Variants in CCDC171 observed in about 807,000 individuals in gnomAD.
CCDC171 encodes the protein coiled-coil domain-containing protein 171.
In CCDC171, 177 loss-of-function variants were observed where a neutral mutation model predicts 168.2. The ratio of observed to expected loss-of-function variants is 1.05; its 90% CI spans 0.93 to 1.19. The LOEUF (loss-of-function observed/expected upper bound fraction) is 1.19. Among genes scored for constraint, CCDC171 ranks in the 50% most tolerant of loss-of-function variants. The pLI is 0.00. For missense variants in CCDC171, 1,991 were observed against 1,539.0 expected (o/e 1.29, Z -4.91); for synonymous variants, 687 against 540.8 (o/e 1.27, Z -3.75).
intron 3 of CCDC171, among the ~76,000 whole-genome samples, chr9:15,572,985 C>A (rs2040352718): frequency 1.3e-5 from 2 of 152,068 alleles, no homozygotes; most frequent in Admixed American, 1.3e-4. Flanking sequence ...ATGGTGAAAC[C>A]CCATTTCTAC....
the CCDC171 span, among the ~76,000 whole-genome samples, chr9:16,071,827 G>T: frequency 6.6e-6 from 1 of 152,016 alleles, no homozygotes; most frequent in Non-Finnish European, 1.5e-5. Context: ...AGAGCTCATT[G>T]GGATTCCCTT....
the CCDC171 span, among the ~76,000 whole-genome samples, chr9:16,082,984 A>C: frequency 6.6e-6 from 1 of 152,128 alleles, no homozygotes; most frequent in Admixed American, 6.5e-5. Context: ...TTTGTGACTA[A>C]GTGTGTGTAA....
chr9:15,764,433 TC>T lies in CCDC171; in HGVS notation c.2672-13166del, dbSNP rs554536251. Among the ~76,000 whole-genome samples the T allele has an allele frequency of 7.2e-5, 11 of 152,126 alleles. No individual in the cohort carries two copies. The South Asian group carries it at 2.3e-3, about 32-fold the overall frequency. ...CATTGGACTTGGTTATTGGCTAGAG[TC>T]TGGAAATATTTTGAAGATAGAGCTG... is the stretch of plus-strand genomic sequence containing the variant. On this transcript the variant is annotated intron_variant, in intron 18 of 25. Transcript: ENST00000380701.
intron 1 of CCDC171, among the ~76,000 whole-genome samples, chr9:16,045,138 A>G (rs111735331): frequency 1.3e-5 from 2 of 152,314 alleles, no homozygotes. Flanking sequence ...TCAGACCAGA[A>G]ATAGCCCAAT....
At chr9:15,657,912 G>A (rs961385978) in intron 8 of CCDC171, among the ~76,000 whole-genome samples, 47 of 152,142 alleles carry the variant, frequency 3.1e-4, no homozygotes, top group African/African-American at 8.9e-4. Context: ...TTAGGGGTTG[G>A]CACACTACTG....
chr9:15,930,281 A>T (rs1352780245), intron 25 of CCDC171, among the ~76,000 whole-genome samples: 1 of 151,606 alleles, frequency 6.6e-6, no homozygotes. Flanking sequence ...ACTGTTTTAT[A>T]TTATTCTGTA....
At chr9:15,974,283 A>G (rs1256686279), downstream of CCDC171, among the ~76,000 whole-genome samples, 1 of 152,134 alleles carries the variant, frequency 6.6e-6, no homozygotes, top group Non-Finnish European at 1.5e-5. Context: ...GAGAAGATTT[A>G]ATGACATATC....
At chr9:15,620,432 T>A (rs2044413720) in intron 6 of CCDC171, among the ~76,000 whole-genome samples, 1 of 152,200 alleles carries the variant, frequency 6.6e-6, no homozygotes, top group African/African-American at 2.4e-5. Context: ...TTCAGTGGAA[T>A]AAGTTACTGT....
chr9:15,774,462 G>T (rs1303386562), intron 18 of CCDC171, among the ~76,000 whole-genome samples: 2 of 152,026 alleles, frequency 1.3e-5, no homozygotes, highest in Non-Finnish European at 2.9e-5. Flanking sequence ...AATCATAGAT[G>T]TTGGCATGGA....
chr9:15,588,536 AG>A, intron 4 of CCDC171: 1 of 349,416 alleles, frequency 2.9e-6, no homozygotes, highest in Non-Finnish European at 5.7e-6. Flanking sequence ...GCTTACAAGG[AG>A]GGGAAGAATC....
At chr9:15,966,982 G>T (rs1830858192) in intron 25 of CCDC171, among the ~76,000 whole-genome samples, 1 of 152,020 alleles carries the variant, frequency 6.6e-6, no homozygotes, top group Non-Finnish European at 1.5e-5. Flanking sequence ...GTGAATGTAT[G>T]TTTTTATGTG....
intron 23 of CCDC171, among the ~76,000 whole-genome samples, chr9:15,868,034 G>T (rs2061865132): frequency 6.6e-6 from 1 of 151,880 alleles, no homozygotes. Context: ...TCTTTAATTG[G>T]GATGTAGCCA....
At chr9:16,088,111 A>G in the CCDC171 span, among the ~76,000 whole-genome samples, 3 of 152,220 alleles carry the variant, frequency 2.0e-5, no homozygotes, top group Non-Finnish European at 1.5e-5. Context: ...AACAGACCCA[A>G]TGACAAAAAC....
At chr9:15,983,480 T>TTGTGTG (rs56910418) in intron 3 of CCDC171, among the ~76,000 whole-genome samples, 54 of 144,112 alleles carry the variant, frequency 3.7e-4, no homozygotes, top group African/African-American at 1.0e-3. Flanking sequence ...TTGTGATCAG[T>TTGTGTG]TGTGTGTGTG....
In CCDC171 at chr9:15,701,577, A is replaced by AC. The variant is rs2051741462; in HGVS notation, c.1318+6240_1318+6241insC. Reference sequence around the variant, plus strand: ...ACCATTTTACCCTCAGTACAATTCCATTTTTTTTTTTTTTTTTTTTGAGAC... The same window carrying AC: ...ACCATTTTACCCTCAGTACAATTCCACTTTTTTTTTTTTTTTTTTTTGAGAC... On this transcript the variant is annotated intron_variant, in intron 11 of 25. Transcript: ENST00000380701. Among the ~76,000 whole-genome samples the AC allele has an allele frequency of 9.8e-5, 12 of 122,106 alleles. 1 individual carries two copies. The highest frequency in any genetic ancestry group is 3.7e-4 in the African/African-American group (12 of 32,724). The allele number at this position is 122,106 out of a possible 152,430, so 80.1% of individuals were successfully genotyped here.
At chr9:15,563,502 G>T (rs2039482289) in intron 1 of CCDC171, among the ~76,000 whole-genome samples, 1 of 152,160 alleles carries the variant, frequency 6.6e-6, no homozygotes, top group Non-Finnish European at 1.5e-5. Flanking sequence ...TTACATTGCA[G>T]TGTTGTAAGG....
chr9:15,609,491 A>G (rs1423239402), intron 6 of CCDC171, among the ~76,000 whole-genome samples: 1 of 152,220 alleles, frequency 6.6e-6, no homozygotes, highest in African/African-American at 2.4e-5. Flanking sequence ...ACCCAAAGTC[A>G]TAAAGATAAT....
chr9:16,107,953 G>A, the CCDC171 span, among the ~76,000 whole-genome samples: 2 of 152,130 alleles, frequency 1.3e-5, no homozygotes, highest in Non-Finnish European at 2.9e-5. Context: ...ATTATAAAGT[G>A]AAAGCTTTAT....
chr9:15,976,309 G>C (rs181658716), downstream of CCDC171, among the ~76,000 whole-genome samples: 1 of 151,938 alleles, frequency 6.6e-6, no homozygotes, highest in Admixed American at 6.6e-5. Context: ...TAAATTATCC[G>C]TAATAATTGC....
Sources: gnomAD v4.1 joint callset for allele counts (sites outside exome capture counted in the v4.1 genomes callset) on GRCh38, gnomAD v4.1.1 for gene constraint, MANE v1.5 for transcripts, NCBI Gene and HGNC (gene_info 2026-07-23, HGNC 2026-07-21) for gene names.